RABGAP1L: variants seen among roughly 807,000 people sequenced by gnomAD.
RABGAP1L encodes the protein rab GTPase-activating protein 1-like.
Under a neutral mutation model 137.7 loss-of-function variants are expected in RABGAP1L, and 63 were observed. That is an observed-to-expected ratio of 0.46 (90% CI 0.37 to 0.56). The LOEUF (loss-of-function observed/expected upper bound fraction) is 0.56. Among genes scored for constraint, RABGAP1L ranks in the 20% least tolerant of loss-of-function variants. RABGAP1L has a pLI of 0.00. For missense variants in RABGAP1L, 1,095 were observed against 1,244.0 expected, an observed-to-expected ratio of 0.88 and a Z score of 1.80; for synonymous variants, 431 against 433.7, an observed-to-expected ratio of 0.99 and a Z score of 0.08.
intron 13 of RABGAP1L, among the ~76,000 whole-genome samples, chr1:174,557,242 A>G (rs1008154855): frequency 1.3e-5 from 2 of 152,214 alleles, no homozygotes; most frequent in African/African-American, 4.8e-5. Flanking sequence ...GGCAGGTCTA[A>G]TATCTTCAAT....
chr1:174,932,769 A>T (rs144357129), intron 19 of RABGAP1L, among the ~76,000 whole-genome samples: 1 of 152,252 alleles, frequency 6.6e-6, no homozygotes, highest in East Asian at 1.9e-4. Flanking sequence ...ATTTATTTTA[A>T]TGCTGAAATT....
intron 13 of RABGAP1L, among the ~76,000 whole-genome samples, chr1:174,576,308 C>A (rs569065895): frequency 6.6e-6 from 1 of 152,088 alleles, no homozygotes; most frequent in Admixed American, 6.6e-5. Flanking sequence ...GCCCCTCATG[C>A]GTCCGTTTAT....
At chr1:174,438,927 T>C (rs1653797944) in intron 13 of RABGAP1L, among the ~76,000 whole-genome samples, 1 of 151,638 alleles carries the variant, frequency 6.6e-6, no homozygotes, top group Non-Finnish European at 1.5e-5. Flanking sequence ...TATATCGAAA[T>C]GCAATGATTT....
intron 19 of RABGAP1L, among the ~76,000 whole-genome samples, chr1:174,930,168 A>G (rs1663548899): frequency 6.6e-6 from 1 of 151,238 alleles, no homozygotes; most frequent in East Asian, 1.9e-4. Flanking sequence ...AATTTCTTTA[A>G]CTCCTTTAAA....
intron 19 of RABGAP1L, among the ~76,000 whole-genome samples, chr1:174,955,993 T>A (rs1668464272): frequency 2.0e-5 from 3 of 152,206 alleles, no homozygotes; most frequent in Admixed American, 2.0e-4. Flanking sequence ...AAAAGTAGAT[T>A]TAATATGTAT....
At chr1:174,851,069 C>T (rs1648238481) in intron 19 of RABGAP1L, among the ~76,000 whole-genome samples, 1 of 152,208 alleles carries the variant, frequency 6.6e-6, no homozygotes, top group Middle Eastern at 3.2e-3. Flanking sequence ...GATGAGAGTC[C>T]AGCCCAACAG....
At chr1:174,932,980 A>G (rs1664096003) in intron 19 of RABGAP1L, among the ~76,000 whole-genome samples, 1 of 152,156 alleles carries the variant, frequency 6.6e-6, no homozygotes, top group South Asian at 2.1e-4. Context: ...ATATATAGCA[A>G]CCAAGATCTG....
At chr1:174,565,591 A>G (rs940186770) in intron 13 of RABGAP1L, among the ~76,000 whole-genome samples, 2 of 152,086 alleles carry the variant, frequency 1.3e-5, no homozygotes, top group Non-Finnish European at 2.9e-5. Flanking sequence ...GCTGATTGTC[A>G]TAATATTTAT....
Position 174,991,370 on chromosome 1 carries a change from T to C in RABGAP1L, c.*1369T>C, listed in dbSNP as rs1320170898. 2 of 152,236 alleles carry C rather than the reference T, an allele frequency of 1.3e-5. No homozygotes were observed. The highest frequency in any genetic ancestry group is 2.9e-5 in the Non-Finnish European group (2 of 68,040). The allele number at this position is 152,236 out of a possible 1,614,324, so 9.4% of individuals were successfully genotyped here. A position where few individuals can be genotyped will look rare whatever the true frequency, so the allele number is the denominator to read the frequency against. On this transcript the variant is annotated 3_prime_UTR_variant, in exon 26 of 26. Transcript: ENST00000681986. ...ATCATTGGCCTCATTGTTGAACATA[T>C]TATTTGCAAAGAATCTTAAACTCTG...
Position 174,471,739 on chromosome 1 carries a change from C to A in RABGAP1L, c.1710+77594C>A, listed in dbSNP as rs77811149. 7.6e-3 allele frequency among the ~76,000 whole-genome samples: 1,162 copies of A among 152,260 alleles called. 16 individuals carry two copies. The highest frequency in any genetic ancestry group is 0.027 in the African/African-American group (1,122 of 41,546). Reference sequence around the variant, plus strand: ...GGAATCTTACTTAATCTGGCTGCAGCGTGCAGAATTTATTTCAGGAGTCAG... The same window carrying A: ...GGAATCTTACTTAATCTGGCTGCAGAGTGCAGAATTTATTTCAGGAGTCAG... On this transcript the variant is annotated intron_variant, in intron 13 of 25. Transcript: ENST00000681986.
chr1:174,701,139 A>G, intron 16 of RABGAP1L: 1 of 1,304,646 alleles, frequency 7.7e-7, no homozygotes, highest in Non-Finnish European at 1.0e-6. Context: ...TTTGTCTTTC[A>G]GTTATGGTAA....
At chr1:174,257,312 T>C (rs930857957) in intron 7 of RABGAP1L, among the ~76,000 whole-genome samples, 2 of 152,228 alleles carry the variant, frequency 1.3e-5, no homozygotes, top group African/African-American at 4.8e-5. Flanking sequence ...TTAAGTGGTA[T>C]ATTATGCCTG....
chr1:174,493,909 C>G (rs1660505843), intron 13 of RABGAP1L, among the ~76,000 whole-genome samples: 1 of 151,536 alleles, frequency 6.6e-6, no homozygotes, highest in African/African-American at 2.4e-5. Context: ...GAGGTTTATC[C>G]AGAGTTCAAA....
At chr1:174,477,286 C>T (rs1347191025) in intron 13 of RABGAP1L, among the ~76,000 whole-genome samples, 1 of 152,158 alleles carries the variant, frequency 6.6e-6, no homozygotes, top group Admixed American at 6.6e-5. Context: ...TAAAATTATG[C>T]TTTTCATAAG....
At position 174,701,964 on chromosome 1, in the gene RABGAP1L, C is replaced by G. The variant is rs543686744; in HGVS notation, c.2026-149C>G. ...ATCCCTAATTCTCATCTGCTGTCATCACTTCTGTGCAGTTATACAAGACAA... is the reference window on the plus strand; with the variant it reads ...ATCCCTAATTCTCATCTGCTGTCATGACTTCTGTGCAGTTATACAAGACAA... On this transcript the variant is annotated intron_variant, in intron 16 of 25. Coordinates refer to ENST00000681986, the MANE Select transcript of RABGAP1L (RefSeq NM_001366446.1). The G allele has an allele frequency of 5.7e-5, 34 of 600,116 alleles. No individual in the cohort carries two copies. In the African/African-American group the frequency reaches 5.9e-4, roughly 10 times the overall value. The allele number at this position is 600,116 out of a possible 1,614,324, so 37.2% of individuals were successfully genotyped here.
intron 13 of RABGAP1L, among the ~76,000 whole-genome samples, chr1:174,551,457 A>G (rs996609120): frequency 5.3e-5 from 8 of 152,046 alleles, no homozygotes; most frequent in Non-Finnish European, 1.0e-4. Context: ...AATACATACA[A>G]CTGAATGAAA....
At chr1:174,174,208 A>G (rs935840674) in intron 1 of RABGAP1L, among the ~76,000 whole-genome samples, 1 of 76,800 alleles carries the variant, frequency 1.3e-5, no homozygotes, top group Admixed American at 1.3e-4. Context: ...ACACACACAC[A>G]CACACACACA....
At chr1:174,750,090 C>T (rs1427659217) in intron 17 of RABGAP1L, among the ~76,000 whole-genome samples, 8 of 152,040 alleles carry the variant, frequency 5.3e-5, no homozygotes, top group Non-Finnish European at 8.8e-5. Flanking sequence ...AGGATGGTCT[C>T]GATCTCCTGA....
chr1:174,732,927 G>C (rs186984373), intron 17 of RABGAP1L, among the ~76,000 whole-genome samples: 4 of 152,084 alleles, frequency 2.6e-5, no homozygotes, highest in Non-Finnish European at 5.9e-5. Context: ...ATAATTGTCA[G>C]GGCATATAGT....
Sources: gnomAD v4.1 joint callset for allele counts (sites outside exome capture counted in the v4.1 genomes callset) on GRCh38, gnomAD v4.1.1 for gene constraint, MANE v1.5 for transcripts, NCBI Gene and HGNC (gene_info 2026-07-23, HGNC 2026-07-21) for gene names.